PCDHGA7: variants seen among roughly 807,000 people sequenced by gnomAD.
PCDHGA7 encodes the protein protocadherin gamma-A7.
Under a neutral mutation model 58.3 loss-of-function variants are expected in PCDHGA7, and 44 were observed. That is an observed-to-expected ratio of 0.75 (90% CI 0.59 to 0.97). The LOEUF (loss-of-function observed/expected upper bound fraction) is 0.97. Among genes scored for constraint, PCDHGA7 ranks in the 50% least tolerant of loss-of-function variants. The probability of loss-of-function intolerance (pLI) is 0.00; values close to 1 mark genes in which losing one functional copy is unlikely to be tolerated. For missense variants in PCDHGA7, 1,266 were observed against 1,188.7 expected (o/e 1.06, Z -0.96); for synonymous variants, 516 against 504.2 (o/e 1.02, Z -0.31).
At chr5:141,398,415 C>T (rs2093654537) in intron 1 of PCDHGA7, 2 of 1,487,146 alleles carry the variant, frequency 1.3e-6, no homozygotes, top group Non-Finnish European at 1.9e-6. Context: ...AGGAGATATG[C>T]GGGAAGAAGC....
chr5:141,418,928 A>G, intron 1 of PCDHGA7: 1 of 1,613,978 alleles, frequency 6.2e-7, no homozygotes, highest in Non-Finnish European at 8.5e-7. Context: ...TGATCAGATT[A>G]TGGAGGATTC....
chr5:141,501,345 A>G (rs2099808580), intron 2 of PCDHGA7, among the ~76,000 whole-genome samples: 2 of 150,582 alleles, frequency 1.3e-5, no homozygotes, highest in East Asian at 1.9e-4. Context: ...CCCAAACTCA[A>G]TAGGGCAAGA....
chr5:141,419,744 G>C (rs760207269), intron 1 of PCDHGA7: 1 of 1,613,896 alleles, frequency 6.2e-7, no homozygotes, highest in Non-Finnish European at 8.5e-7. Context: ...GGTGCGCATG[G>C]TGCGTGCTTT....
chr5:141,394,238 T>G, intron 1 of PCDHGA7: 1 of 1,613,934 alleles, frequency 6.2e-7, no homozygotes, highest in Non-Finnish European at 8.5e-7. Context: ...TTTCCTTGAC[T>G]GCACACGACC....
chr5:141,422,470 T>C, intron 1 of PCDHGA7: 1 of 1,613,440 alleles, frequency 6.2e-7, no homozygotes, highest in Non-Finnish European at 8.5e-7. Flanking sequence ...GGACAGGGAG[T>C]TGGTCCAGAG....
At chr5:141,447,082 T>C (rs1259827606) in intron 1 of PCDHGA7, among the ~76,000 whole-genome samples, 3 of 152,156 alleles carry the variant, frequency 2.0e-5, no homozygotes, top group Non-Finnish European at 2.9e-5. Context: ...ATTTTTGTTG[T>C]TTAATTTTCT....
chr5:141,448,190 C>T (rs1426828578), intron 1 of PCDHGA7, among the ~76,000 whole-genome samples: 1 of 152,118 alleles, frequency 6.6e-6, no homozygotes, highest in Non-Finnish European at 1.5e-5. Flanking sequence ...GTTATGTACA[C>T]TTACAAACAT....
At position 141,384,513 on chromosome 5, in the gene PCDHGA7, G is replaced by A; in HGVS notation, c.1614G>A (p.Gly538=). ...TAAGAGTGACTGCACATGACAGCGG[G>A]GACCCGCCTCTCAGCAGCAACATGT... ...LQLRVTAHDS[G]DPPLSSNMSL... Residue 538 remains glycine (G), a synonymous_variant, in exon 1 of 4, where the codon GGG becomes GGA. Transcript: ENST00000518325. 1 of 1,614,200 alleles carries A rather than the reference G, an allele frequency of 6.2e-7. No individual in the cohort carries two copies. The highest frequency in any genetic ancestry group is 8.5e-7 in the Non-Finnish European group (1 of 1,180,024).
chr5:141,477,475 C>A lies in PCDHGA7; in HGVS notation c.2425-17332C>A. ...TTCAAGTGTCCGACATCAATGACAA[C>A]CCTCCACAATCTTCTCAATCTTCCT... On this transcript the variant is annotated intron_variant, in intron 1 of 3. Coordinates refer to ENST00000518325, the MANE Select transcript of PCDHGA7 (RefSeq NM_018920.4). The surrounding 1 kb of genome is among the most constrained non-coding windows in gnomAD (Gnocchi z 4.9). The A allele has an allele frequency of 3.1e-6, 5 of 1,614,124 alleles. No homozygotes were observed. The highest frequency in any genetic ancestry group is 4.2e-6 in the Non-Finnish European group (5 of 1,180,030).
At position 141,490,909 on chromosome 5, in the gene PCDHGA7, G is replaced by A. The variant is rs1170664693; in HGVS notation, c.2425-3898G>A. On this transcript the variant is annotated intron_variant, in intron 1 of 3. Coordinates refer to ENST00000518325, the MANE Select transcript of PCDHGA7 (RefSeq NM_018920.4). The surrounding 1 kb of genome is among the most constrained non-coding windows in gnomAD (Gnocchi z 5.4). ...ATCTCTGCATGTGTTTGTCCTAGAC[G>A]AGAATGATAATGCCCCAGCTGTGCT... The A allele has an allele frequency of 1.1e-5, 17 of 1,613,626 alleles. No individual in the cohort carries two copies. Among genetic ancestry groups the A allele is most frequent in the East Asian group, 4.5e-5 (2 of 44,882 alleles).
rs951029522 is a variant in PCDHGA7, at chr5:141,487,944, G to A, written c.2425-6863G>A. 6.6e-6 allele frequency among the ~76,000 whole-genome samples: 1 copy of A among 152,164 alleles called. No homozygotes were observed. Among genetic ancestry groups the A allele is most frequent in the Admixed American group, 6.5e-5 (1 of 15,282 alleles). On this transcript the variant is annotated intron_variant, in intron 1 of 3. Transcript: ENST00000518325. The surrounding 1 kb of genome is among the most constrained non-coding windows in gnomAD (Gnocchi z 5.0). ...ACAGTGCACAGGGTACAGTGCACCA[G>A]GCAGTCACTTGGACAAAGGTGGCTG...
intron 2 of PCDHGA7, among the ~76,000 whole-genome samples, chr5:141,498,543 C>T (rs2099784198): frequency 6.6e-6 from 1 of 151,870 alleles, no homozygotes; most frequent in South Asian, 2.1e-4. Flanking sequence ...CTGGTCTGGT[C>T]AGACACACCA....
intron 1 of PCDHGA7, among the ~76,000 whole-genome samples, chr5:141,396,827 T>G (rs1339802094): frequency 6.6e-6 from 1 of 152,218 alleles, no homozygotes; most frequent in East Asian, 1.9e-4. Flanking sequence ...TGGTGCATAT[T>G]CAGTGGAGTG....
intron 2 of PCDHGA7, among the ~76,000 whole-genome samples, chr5:141,498,710 T>C (rs2099785302): frequency 1.3e-5 from 2 of 152,108 alleles, no homozygotes. Flanking sequence ...GGTGGGTGGA[T>C]CACCTGAGGT....
At chr5:141,479,486 A>T (rs72790065) in intron 1 of PCDHGA7, 21,264 of 152,292 alleles carry the variant, frequency 0.14, 1,529 homozygotes, top group Admixed American at 0.16. Context: ...GGGCAGGACC[A>T]TCAGGTTGCC....
At chr5:141,472,113 A>C (rs1296591849) in intron 1 of PCDHGA7, among the ~76,000 whole-genome samples, 1 of 152,260 alleles carries the variant, frequency 6.6e-6, no homozygotes, top group Non-Finnish European at 1.5e-5. Context: ...ATACATAAAG[A>C]AAATAAAAGA....
At position 141,382,977 on chromosome 5, in the gene PCDHGA7, C is replaced by T; in HGVS notation, c.78C>T (p.Ala26=). 1 of 1,610,566 alleles carries T rather than the reference C, an allele frequency of 6.2e-7. No individual in the cohort carries two copies. Residue 26 remains alanine, a synonymous_variant, in exon 1 of 4, where the codon GCC becomes GCT. Transcript: ENST00000518325. ...TCCTCCTGGGGACCCCCTGGGAAGCCTGGGCAGGACGTATTCTCTACTCCG... is the reference window on the plus strand; with the variant it reads ...TCCTCCTGGGGACCCCCTGGGAAGCTTGGGCAGGACGTATTCTCTACTCCG... The part of the protein sequence containing the change: ...LSILLGTPWE[A]WAGRILYSVS...
chr5:141,431,092 G>A lies in PCDHGA7; in HGVS notation c.2424+45769G>A. On this transcript the variant is annotated intron_variant, in intron 1 of 3. Coordinates refer to ENST00000518325, the MANE Select transcript of PCDHGA7 (RefSeq NM_018920.4). This position sits in a 1 kb window ranked among gnomAD's most constrained non-coding sequence, Gnocchi z 4.8. ...AATTAAATCTAGACATTCTGATGGAGGATAAAGTGAAAATATATGGAGTAG... is the reference window on the plus strand; with the variant it reads ...AATTAAATCTAGACATTCTGATGGAAGATAAAGTGAAAATATATGGAGTAG... 1 of 1,614,252 alleles carries A rather than the reference G, an allele frequency of 6.2e-7. No individual in the cohort carries two copies. The highest frequency in any genetic ancestry group is 1.1e-5 in the South Asian group (1 of 91,090).
At chr5:141,415,738 AGGTTTTT>A in intron 1 of PCDHGA7, 2 of 538,082 alleles carry the variant, frequency 3.7e-6, no homozygotes, top group Non-Finnish European at 5.4e-6. Flanking sequence ...ATGTTTATTA[AGGTTTTT>A]TTTTTTTTTT....
Sources: allele counts gnomAD v4.1 joint callset (sites outside exome capture counted in the v4.1 genomes callset), GRCh38; gene constraint gnomAD v4.1.1; non-coding constraint Gnocchi (gnomAD v3.1); transcripts MANE v1.5; gene names NCBI Gene and HGNC (gene_info 2026-07-23, HGNC 2026-07-21).